ATP7A: variants seen among roughly 807,000 people sequenced by gnomAD.
ATP7A encodes ATPase copper transporting alpha.
In ATP7A, 7 loss-of-function variants were observed where a neutral mutation model predicts 83.5. The ratio of observed to expected loss-of-function variants is 0.08; its 90% CI spans 0.05 to 0.16. The LOEUF is 0.16. Among genes scored for constraint, ATP7A ranks in the 10% least tolerant of loss-of-function variants. The pLI, the probability that ATP7A is intolerant of heterozygous loss-of-function variation, is 1.00. For missense variants in ATP7A, 940 were observed against 1,120.8 expected (o/e 0.84, Z 2.30); for synonymous variants, 354 against 395.2 (o/e 0.90, Z 1.24).
At chrX:77,939,338 A>T (rs1341844875) in intron 1 of ATP7A, among the ~76,000 whole-genome samples, 2 of 110,781 alleles carry the variant, frequency 1.8e-5, no homozygotes, top group African/African-American at 6.6e-5. Context: ...TTTTGCTCTG[A>T]TGAATATTCC....
At chrX:77,995,211 A>G (rs1318952307) in intron 4 of ATP7A, among the ~76,000 whole-genome samples, 1 of 111,577 alleles carries the variant, frequency 9.0e-6, no homozygotes, top group Non-Finnish European at 1.9e-5. Flanking sequence ...CTCAGACAGA[A>G]GGATTGACAC....
chrX:78,005,559 T>G (rs2077767849), intron 6 of ATP7A, among the ~76,000 whole-genome samples: 2 of 107,233 alleles, frequency 1.9e-5, no homozygotes, highest in African/African-American at 3.4e-5. Context: ...GGCACGCGCC[T>G]GTAATCCCAG....
intron 1 of ATP7A, among the ~76,000 whole-genome samples, chrX:77,937,427 C>T (rs1335900894): frequency 1.8e-5 from 2 of 112,070 alleles, no homozygotes; most frequent in Non-Finnish European, 3.8e-5. Flanking sequence ...CCTGTATCTC[C>T]AATATGACTC....
chrX:77,931,506 C>G (rs1557224239), intron 1 of ATP7A, among the ~76,000 whole-genome samples: 1 of 112,744 alleles, frequency 8.9e-6, no homozygotes, highest in Non-Finnish European at 1.9e-5. Context: ...GTCATCCCGG[C>G]CCGTTCTCAA....
chrX:77,966,026 T>C (rs2077503215), intron 1 of ATP7A, among the ~76,000 whole-genome samples: 1 of 112,416 alleles, frequency 8.9e-6, no homozygotes, highest in South Asian at 3.6e-4. Flanking sequence ...TGTTTTGTTG[T>C]TGTTGTTGTT....
At chrX:77,996,946 T>C (rs1557232616) in intron 4 of ATP7A, among the ~76,000 whole-genome samples, 1 of 111,343 alleles carries the variant, frequency 9.0e-6, no homozygotes, top group African/African-American at 3.3e-5. Context: ...TAAAAAAGCA[T>C]AACAGCAGTA....
intron 1 of ATP7A, among the ~76,000 whole-genome samples, chrX:77,943,057 C>T (rs1411902081): frequency 9.1e-6 from 1 of 109,953 alleles, no homozygotes; most frequent in African/African-American, 3.3e-5. Context: ...TCAGGTGATC[C>T]ACCTGTGTTG....
intron 14 of ATP7A, among the ~76,000 whole-genome samples, chrX:78,028,189 A>T (rs1354964209): frequency 5.1e-5 from 5 of 97,515 alleles, no homozygotes; most frequent in African/African-American, 1.8e-4. Context: ...TCCCTGGCTA[A>T]TTTTTTTTTT....
rs1569550369 is a variant in ATP7A at position 78,046,277 on chromosome X, CT to C, written c.4227-13del. 8.3e-7 allele frequency: 1 copy of C among 1,209,757 alleles called. No individual in the cohort carries two copies. The highest frequency in any genetic ancestry group is 1.1e-6 in the Non-Finnish European group (1 of 894,026). On this transcript the variant is annotated splice_polypyrimidine_tract_variant and intron_variant, in intron 22 of 22. Transcript: ENST00000341514. ...CTTTTGGTTATTTGAAACTAGCATA[CT>C]TTTGCATATGTCCAGTTACAGGAAA...
chrX:77,918,066 CTTTTTT>C (rs1311945353), intron 1 of ATP7A, among the ~76,000 whole-genome samples: 55 of 90,583 alleles, frequency 6.1e-4, no homozygotes, highest in African/African-American at 2.2e-3. Context: ...TGTTCAGGCA[CTTTTTT>C]TTTTTTTTTT....
intron 1 of ATP7A, among the ~76,000 whole-genome samples, chrX:77,929,136 G>A (rs2077258566): frequency 8.9e-6 from 1 of 111,853 alleles, no homozygotes; most frequent in Non-Finnish European, 1.9e-5. Context: ...TTAGATTAAG[G>A]GGAGAAGAGG....
At chrX:77,922,582 TA>T (rs1176389140) in intron 1 of ATP7A, among the ~76,000 whole-genome samples, 19 of 111,362 alleles carry the variant, frequency 1.7e-4, no homozygotes, top group African/African-American at 5.5e-4. Context: ...CCACCCCACA[TA>T]CACAACCCTC....
chrX:77,971,751 A>G lies in ATP7A; in HGVS notation c.110A>G (p.His37Arg). The G allele has an allele frequency of 1.7e-6, 2 of 1,211,554 alleles. No homozygotes were observed. Among genetic ancestry groups the G allele is most frequent in the Non-Finnish European group, 2.2e-6 (2 of 895,306 alleles). The change falls in exon 2 of 23, where the codon CAT (histidine) becomes CGT (arginine). Residue 37 changes from histidine to arginine, a missense_variant. Coordinates refer to ENST00000341514, the MANE Select transcript of ATP7A (RefSeq NM_000052.7). ...CAGATTGGAAAAGTGAATGGTGTGCATCACATTAAGGTAAGTTACTCTTTG... is the reference window on the plus strand; with the variant it reads ...CAGATTGGAAAAGTGAATGGTGTGCGTCACATTAAGGTAAGTTACTCTTTG... Reference protein sequence around the residue: ...EQQIGKVNGVHHIKVSLEEKN... With the variant: ...EQQIGKVNGVRHIKVSLEEKN...
chrX:77,966,937 G>A (rs1481307557), intron 1 of ATP7A: 1 of 287,142 alleles, frequency 3.5e-6, no homozygotes, highest in East Asian at 1.0e-4. Flanking sequence ...GGTGTGTGAT[G>A]TTCCCCTCCC....
chrX:77,933,155 G>A (rs782341299), intron 1 of ATP7A, among the ~76,000 whole-genome samples: 1 of 111,874 alleles, frequency 8.9e-6, no homozygotes, highest in Non-Finnish European at 1.9e-5. Flanking sequence ...TTGAATTCTC[G>A]AAACAACCCT....
chrX:78,045,413 C>T (rs961730869), intron 21 of ATP7A, 57 bp from the exon 22 acceptor site: 23 of 906,147 alleles, frequency 2.5e-5, no homozygotes, highest in Non-Finnish European at 3.5e-5. Context: ...ATGTTAGAAA[C>T]ACATTAATAA....
chrX:77,974,331 T>C, intron 2 of ATP7A, among the ~76,000 whole-genome samples: 1 of 110,211 alleles, frequency 9.1e-6, no homozygotes, highest in Non-Finnish European at 1.9e-5. Flanking sequence ...TTTAGTAGAG[T>C]TGGGGTTTCG....
At chrX:77,982,694 C>T (rs1302481821) in intron 2 of ATP7A, among the ~76,000 whole-genome samples, 1 of 112,119 alleles carries the variant, frequency 8.9e-6, no homozygotes, top group Non-Finnish European at 1.9e-5. Context: ...GATTATTTAG[C>T]ATAATCATTT....
chrX:77,942,782 A>G (rs1052277988), intron 1 of ATP7A, among the ~76,000 whole-genome samples: 1 of 109,093 alleles, frequency 9.2e-6, no homozygotes, highest in Non-Finnish European at 1.9e-5. Flanking sequence ...CTTTTCACAA[A>G]TGGATTTTTC....
Sources: gnomAD v4.1 joint callset for allele counts (sites outside exome capture counted in the v4.1 genomes callset) on GRCh38, gnomAD v4.1.1 for gene constraint, MANE v1.5 for transcripts, NCBI Gene and HGNC (gene_info 2026-07-23, HGNC 2026-07-21) for gene names.